Variants in RNF212 observed in about 807,000 individuals in gnomAD.
RNF212 encodes the protein ring finger protein 212, also known as probable E3 SUMO-protein ligase RNF212.
A neutral mutation model predicts 34.7 loss-of-function variants in RNF212; 33 were observed. The observed-to-expected ratio is 0.95, with a 90% CI of 0.72 to 1.27. The LOEUF is 1.27. Ranked by LOEUF, RNF212 falls within the 50% of genes most tolerant of loss-of-function variation. The pLI, the probability that RNF212 is intolerant of heterozygous loss-of-function variation, is 0.00. For missense variants in RNF212, 377 were observed against 362.2 expected (o/e 1.04, Z -0.33); for synonymous variants, 140 against 136.1 (o/e 1.03, Z -0.20).
downstream of RNF212, among the ~76,000 whole-genome samples, chr4:1,070,573 A>G (rs1329393591): frequency 7.3e-5 from 9 of 122,578 alleles, no homozygotes; most frequent in South Asian, 2.9e-4. Flanking sequence ...GTTTTGTAGG[A>G]CTGTGCTGTG....
intron 5 of RNF212, among the ~76,000 whole-genome samples, chr4:1,084,678 G>C (rs1176253053): frequency 1.5e-5 from 2 of 135,834 alleles, no homozygotes; most frequent in Non-Finnish European, 3.0e-5. Context: ...CGTGAGCTGA[G>C]ATCACGCCAC....
intron 8 of RNF212, among the ~76,000 whole-genome samples, chr4:1,075,443 G>A (rs781636719): frequency 5.3e-5 from 8 of 152,162 alleles, no homozygotes; most frequent in Admixed American, 1.3e-4. Flanking sequence ...GAGCAGGCGC[G>A]TTGCAGGGCG....
rs1718672531 is a variant in RNF212 at position 1,072,957 on chromosome 4, C to T, written c.811G>A (p.Glu271Lys). 1 of 1,614,038 alleles carries T rather than the reference C, an allele frequency of 6.2e-7. No homozygotes were observed. Among genetic ancestry groups the T allele is most frequent in the South Asian group, 1.1e-5 (1 of 91,086 alleles). Residue 271 changes from glutamate (E) to lysine (K), a missense_variant, in exon 10 of 10, where the codon GAG becomes AAG. Glu to Lys is a moderately conservative substitution (Grantham distance 56, BLOSUM62 1). Transcript: ENST00000433731. Reference protein sequence around the residue: ...RAVLFPFQQAEGTLDTFRTPA... With the variant: ...RAVLFPFQQAKGTLDTFRTPA... ...GTTCTGAACGTGTCCAGGGTGCCCT[C>T]AGCCTGCTGGAACGGAAACAAGACG...
At chr4:1,069,912 A>C (rs1354225716), downstream of RNF212, among the ~76,000 whole-genome samples, 1 of 152,260 alleles carries the variant, frequency 6.6e-6, no homozygotes. Flanking sequence ...GGAGAAGAAA[A>C]ACTCTGTGGT....
intron 7 of RNF212, among the ~76,000 whole-genome samples, chr4:1,080,751 G>A (rs1267996686): frequency 6.6e-6 from 1 of 152,188 alleles, no homozygotes; most frequent in Non-Finnish European, 1.5e-5. Context: ...CTCCCCACAG[G>A]CGCCCTCCCT....
At chr4:1,086,008 G>T in intron 4 of RNF212, 54 bp from the exon 5 acceptor site, 1 of 1,282,690 alleles carries the variant, frequency 7.8e-7, no homozygotes. Flanking sequence ...TGAGTGACAT[G>T]TGACCCTCTA....
In RNF212 at chr4:1,072,797, A is replaced by G; in HGVS notation, c.*77T>C. ...TTCCACATAAATGACAAAGGAATAAAGCAGATAATTTGTAGAAAAAACACA... is the reference window on the plus strand; with the variant it reads ...TTCCACATAAATGACAAAGGAATAAGGCAGATAATTTGTAGAAAAAACACA... On this transcript the variant is annotated 3_prime_UTR_variant, in exon 10 of 10. Coordinates refer to ENST00000433731, the MANE Select transcript of RNF212 (RefSeq NM_001131034.4). 1.3e-6 allele frequency: 2 copies of G among 1,486,010 alleles called. No individual in the cohort carries two copies. Among genetic ancestry groups the G allele is most frequent in the Non-Finnish European group, 1.8e-6 (2 of 1,115,060 alleles). The allele number at this position is 1,486,010 out of a possible 1,614,324, so 92.1% of individuals were successfully genotyped here. A position where few individuals can be genotyped will look rare whatever the true frequency, so the allele number is the denominator to read the frequency against.
At chr4:1,104,290 G>T (rs1440091989) in intron 2 of RNF212, among the ~76,000 whole-genome samples, 1 of 152,226 alleles carries the variant, frequency 6.6e-6, no homozygotes, top group Non-Finnish European at 1.5e-5. Context: ...TGGTGTATCA[G>T]ACAACCCCCA....
intron 2 of RNF212, chr4:1,101,084 G>A (rs1577799259): frequency 6.3e-6 from 1 of 159,926 alleles, no homozygotes; most frequent in Non-Finnish European, 1.4e-5. Context: ...AGATAAATAT[G>A]TTTCAAAATC....
chr4:1,102,461 C>T (rs1307954713), intron 2 of RNF212, among the ~76,000 whole-genome samples: 2 of 152,092 alleles, frequency 1.3e-5, no homozygotes, highest in Non-Finnish European at 2.9e-5. Flanking sequence ...TATACATGGA[C>T]ACACACAGTT....
At chr4:1,113,294 G>C in intron 1 of RNF212, 62 bp downstream of exon 1, 1 of 276,678 alleles carries the variant, frequency 3.6e-6, no homozygotes, top group Non-Finnish European at 5.2e-6. Context: ...CCATCCCCCG[G>C]AGTTCCCTGA....
intron 2 of RNF212, chr4:1,100,398 ATTTTTTTTTTTT>A (rs58088919): frequency 2.7e-4 from 23 of 84,392 alleles, no homozygotes; most frequent in Admixed American, 1.6e-3. Flanking sequence ...ATTTTCCATA[ATTTTTTTTTTTT>A]TTTTTTTTTT....
chr4:1,061,795 A>G (rs980953287), intron 3 of RNF212, among the ~76,000 whole-genome samples: 3 of 152,238 alleles, frequency 2.0e-5, no homozygotes, highest in African/African-American at 7.2e-5. Context: ...ACCCAAGCAA[A>G]CAAAAACCAA....
downstream of RNF212, among the ~76,000 whole-genome samples, chr4:1,070,879 GTTT>G (rs61464812): frequency 6.8e-6 from 1 of 145,998 alleles, no homozygotes; most frequent in African/African-American, 2.5e-5. Context: ...TTGGAGTTTT[GTTT>G]TTTTTTTAAT....
intron 3 of RNF212, chr4:1,058,511 C>T (rs561099527): frequency 1.7e-5 from 5 of 296,978 alleles, no homozygotes; most frequent in South Asian, 1.3e-4. Flanking sequence ...CTCCCTGCCA[C>T]GAGGGCAGTG....
chr4:1,073,242 C>T (rs1164519527), intron 9 of RNF212, 49 bp from the exon 10 acceptor site: 3 of 1,595,480 alleles, frequency 1.9e-6, no homozygotes, highest in Non-Finnish European at 2.6e-6. Context: ...CCTGTGTGGG[C>T]TGAGGTGGAT....
chr4:1,081,538 T>A, intron 6 of RNF212, 29 bp downstream of exon 6: 2 of 1,608,490 alleles, frequency 1.2e-6, no homozygotes, highest in Non-Finnish European at 1.7e-6. Context: ...ATCTCTATTT[T>A]GTTCTCTTTC....
At chr4:1,091,417 G>A (rs1577736533) in intron 3 of RNF212, among the ~76,000 whole-genome samples, 2 of 152,352 alleles carry the variant, frequency 1.3e-5, no homozygotes, top group East Asian at 3.9e-4. Context: ...CTCAGAGGAA[G>A]AAAAGAGCTA....
chr4:1,080,871 T>C (rs1276274877), intron 7 of RNF212, among the ~76,000 whole-genome samples: 1 of 152,240 alleles, frequency 6.6e-6, no homozygotes, highest in Non-Finnish European at 1.5e-5. Flanking sequence ...GGGTTTTCTC[T>C]GGGATGCTGG....
Sources: allele counts gnomAD v4.1 joint callset (sites outside exome capture counted in the v4.1 genomes callset), GRCh38; gene constraint gnomAD v4.1.1; transcripts MANE v1.5; gene names NCBI Gene and HGNC (gene_info 2026-07-23, HGNC 2026-07-21).